Variants in DDAH1 observed in about 807,000 individuals in gnomAD.
DDAH1 encodes dimethylarginine dimethylaminohydrolase 1, also known as N(G),N(G)-dimethylarginine dimethylaminohydrolase 1.
DDAH1 carries 19 observed loss-of-function variants against 28.8 expected under a neutral mutation model. The observed-to-expected ratio is 0.66, with a 90% confidence interval of 0.46 to 0.97. The LOEUF is 0.97. DDAH1 is among the 50% of genes least tolerant of loss of function. The pLI is 0.00. For synonymous variants in DDAH1, 153 were observed against 154.4 expected, an observed-to-expected ratio of 0.99 and a Z score of 0.07; for missense variants, 326 against 375.9, an observed-to-expected ratio of 0.87 and a Z score of 1.10.
At chr1:85,466,829 A>ATTTTTTTTTTTT (rs1158919618), upstream of DDAH1, among the ~76,000 whole-genome samples, 2 of 46,554 alleles carry the variant, frequency 4.3e-5, no homozygotes, top group African/African-American at 1.5e-4. Flanking sequence ...TTCATTATTT[A>ATTTTTTTTTTTT]TTCTTTTTTT....
chr1:85,576,972 C>CGCCACT, intron 1 of DDAH1: 1 of 154,864 alleles, frequency 6.5e-6, no homozygotes, highest in Non-Finnish European at 1.4e-5. Context: ...CCGCCGCCAC[C>CGCCACT]GCCACCGCCA....
chr1:85,479,984 T>A (rs898604064), intron 2 of DDAH1, among the ~76,000 whole-genome samples: 1 of 152,228 alleles, frequency 6.6e-6, no homozygotes, highest in African/African-American at 2.4e-5. Context: ...TCAATTAAAT[T>A]CAAAGAGCAC....
In DDAH1 at chr1:85,421,795, C is replaced by G. The variant is rs560165067; in HGVS notation, c.303+42948G>C. ...CTTATTTCTTATGATGAAAAATATT[C>G]CTTTATATTCATGTACCATAGTTTG... On this transcript the variant is annotated intron_variant, in intron 1 of 5. Coordinates refer to ENST00000284031, the MANE Select transcript of DDAH1 (RefSeq NM_012137.4). 3.9e-5 allele frequency among the ~76,000 whole-genome samples: 6 copies of G among 152,150 alleles called. No individual in the cohort carries two copies. In the East Asian group the frequency reaches 1.2e-3, roughly 29 times the overall value.
intron 2 of DDAH1, among the ~76,000 whole-genome samples, chr1:85,488,890 A>G (rs1656292830): frequency 6.6e-6 from 1 of 152,256 alleles, no homozygotes; most frequent in African/African-American, 2.4e-5. Flanking sequence ...GCATGTCATT[A>G]GATCCTCAAA....
chr1:85,556,879 G>A (rs1658985792), intron 1 of DDAH1, among the ~76,000 whole-genome samples: 1 of 152,198 alleles, frequency 6.6e-6, no homozygotes, highest in Non-Finnish European at 1.5e-5. Context: ...CACTTTGGGA[G>A]GCCGAGGCGG....
chr1:85,460,839 C>G lies in DDAH1; in HGVS notation c.303+3904G>C, dbSNP rs182145179. On this transcript the variant is annotated intron_variant, in intron 1 of 5. Transcript: ENST00000284031. ...ATCCTTTTGTACCTTTTGATTTTGG[C>G]ACTGTAGGCATTAATTATCTACACA... Among the ~76,000 whole-genome samples the G allele has an allele frequency of 3.3e-5, 5 of 152,122 alleles. No homozygotes were observed. In the East Asian group the frequency reaches 9.7e-4, roughly 29 times the overall value.
intron 1 of DDAH1, among the ~76,000 whole-genome samples, chr1:85,461,222 T>TA (rs34243833): frequency 0.24 from 36,821 of 152,118 alleles, 4,647 homozygotes; most frequent in Middle Eastern, 0.34. Context: ...GTATTAAACA[T>TA]AAAAAATACT....
Position 85,556,529 on chromosome 1 carries a change from GACA to G in DDAH1, c.-123+21452_-123+21454del, listed in dbSNP as rs200769787. ...TGAGGTAGATACCACACTGTCACAA[GACA>G]ACATTATCTAGATGCAGAATTTGCG... On this transcript the variant is annotated intron_variant, in intron 1 of 6. Transcript: ENST00000426972. 1.1e-3 allele frequency among the ~76,000 whole-genome samples: 165 copies of G among 152,222 alleles called. 3 individuals carry two copies. The East Asian group carries it at 0.024, about 22-fold the overall frequency.
chr1:85,325,585 G>A (rs1450214056), intron 4 of DDAH1, among the ~76,000 whole-genome samples: 2 of 151,208 alleles, frequency 1.3e-5, no homozygotes, highest in Admixed American at 6.6e-5. Flanking sequence ...TGAGGCAGAG[G>A]TTCCCTGGAC....
intron 1 of DDAH1, among the ~76,000 whole-genome samples, chr1:85,371,087 T>C (rs919941290): frequency 6.6e-6 from 1 of 152,200 alleles, no homozygotes; most frequent in African/African-American, 2.4e-5. Context: ...TGCTCATTCA[T>C]TACTGTTGCG....
intron 1 of DDAH1, among the ~76,000 whole-genome samples, chr1:85,387,653 C>T (rs2100547509): frequency 6.6e-6 from 1 of 152,150 alleles, no homozygotes; most frequent in South Asian, 2.1e-4. Context: ...TCTTTTGAGC[C>T]CTCCAAACTC....
chr1:85,503,509 T>C (rs1426470239), intron 1 of DDAH1, among the ~76,000 whole-genome samples: 2 of 150,896 alleles, frequency 1.3e-5, no homozygotes, highest in African/African-American at 4.9e-5. Context: ...GCTGATGTTC[T>C]TTAAAGTTCA....
intron 1 of DDAH1, among the ~76,000 whole-genome samples, chr1:85,509,416 A>G (rs1339679526): frequency 1.3e-5 from 2 of 152,222 alleles, no homozygotes; most frequent in Non-Finnish European, 2.9e-5. Flanking sequence ...TCTAAAAATC[A>G]GAGTACCTAT....
intron 2 of DDAH1, among the ~76,000 whole-genome samples, chr1:85,354,214 C>T (rs904665456): frequency 6.6e-6 from 1 of 152,170 alleles, no homozygotes; most frequent in Non-Finnish European, 1.5e-5. Context: ...ATTTTTCCTA[C>T]TGACTGTCCT....
chr1:85,323,968 CAAAAA>C (rs11446322), intron 5 of DDAH1, among the ~76,000 whole-genome samples: 1 of 99,958 alleles, frequency 1.0e-5, no homozygotes. Flanking sequence ...GATCCTGTCT[CAAAAA>C]AAAAAAAAAA....
chr1:85,377,551 T>C (rs540742042), intron 1 of DDAH1, among the ~76,000 whole-genome samples: 2 of 152,294 alleles, frequency 1.3e-5, no homozygotes, highest in East Asian at 3.9e-4. Flanking sequence ...GGTACATTTT[T>C]AGACGTTTCC....
At position 85,319,498 on chromosome 1, in the gene DDAH1, A is replaced by C. The variant is rs747708467; in HGVS notation, c.*1954T>G. On this transcript the variant is annotated 3_prime_UTR_variant, in exon 6 of 6. Coordinates refer to ENST00000284031, the MANE Select transcript of DDAH1 (RefSeq NM_012137.4). ...ATTGGGCCATTTTTCCTGTGGTTGT[A>C]TTTGAGATGTTGAGCTCTCACAGGG... is the stretch of plus-strand genomic sequence containing the variant. 2.0e-5 allele frequency: 3 copies of C among 152,208 alleles called. No individual in the cohort carries two copies. Among genetic ancestry groups the C allele is most frequent in the Non-Finnish European group, 4.4e-5 (3 of 68,028 alleles). The allele number at this position is 152,208 out of a possible 1,614,324, so 9.4% of individuals were successfully genotyped here. A position where few individuals can be genotyped will look rare whatever the true frequency, so the allele number is the denominator to read the frequency against.
intron 1 of DDAH1, among the ~76,000 whole-genome samples, chr1:85,376,326 C>T (rs1229346526): frequency 2.0e-5 from 3 of 152,092 alleles, no homozygotes; most frequent in African/African-American, 7.2e-5. Flanking sequence ...ATTTACACTA[C>T]CTGCCTGATG....
Position 85,384,337 on chromosome 1 carries a change from C to G in DDAH1, c.304-25490G>C, listed in dbSNP as rs577432369. Among the ~76,000 whole-genome samples the G allele has an allele frequency of 3.9e-5, 6 of 152,282 alleles. No homozygotes were observed. The East Asian group carries it at 1.2e-3, about 29-fold the overall frequency. ...TTTGAGCAGCCCCTCATCTCCAGTACTCTGCCCTGCAAATTCTACCATTTT... is the reference window on the plus strand; with the variant it reads ...TTTGAGCAGCCCCTCATCTCCAGTAGTCTGCCCTGCAAATTCTACCATTTT... On this transcript the variant is annotated intron_variant, in intron 1 of 5. Coordinates refer to ENST00000284031, the MANE Select transcript of DDAH1 (RefSeq NM_012137.4).
Sources: allele counts gnomAD v4.1 joint callset (sites outside exome capture counted in the v4.1 genomes callset), GRCh38; gene constraint gnomAD v4.1.1; transcripts MANE v1.5; gene names NCBI Gene and HGNC (gene_info 2026-07-23, HGNC 2026-07-21).